The following ATP8A2 variants were observed in gnomAD, a reference collection of about 807,000 sequenced individuals.
ATP8A2 encodes phospholipid-transporting ATPase IB.
ATP8A2 carries 100 observed loss-of-function variants against 165.6 expected under a neutral mutation model. That is an observed-to-expected ratio of 0.60 (90% CI 0.51 to 0.71). The LOEUF (loss-of-function observed/expected upper bound fraction) is 0.71. Ranked by LOEUF, ATP8A2 falls within the 30% of genes least tolerant of loss-of-function variation. The pLI is 0.00. For synonymous variants in ATP8A2, 543 were observed against 548.8 expected (o/e 0.99, Z 0.15); for missense variants, 1,227 against 1,479.5 (o/e 0.83, Z 2.80).
At chr13:25,755,217 A>T (rs2138215395) in intron 25 of ATP8A2, among the ~76,000 whole-genome samples, 1 of 152,334 alleles carries the variant, frequency 6.6e-6, no homozygotes, top group Non-Finnish European at 1.5e-5. Flanking sequence ...CAATCAAGAC[A>T]AATGATGGTA....
intron 27 of ATP8A2, among the ~76,000 whole-genome samples, chr13:25,779,182 A>T (rs2138343832): frequency 6.6e-6 from 1 of 152,336 alleles, no homozygotes; most frequent in African/African-American, 2.4e-5. Flanking sequence ...GAGAGAGACA[A>T]AAATGTATAA....
At chr13:25,374,322 A>G (rs1381915959) in intron 1 of ATP8A2, among the ~76,000 whole-genome samples, 1 of 152,236 alleles carries the variant, frequency 6.6e-6, no homozygotes, top group Non-Finnish European at 1.5e-5. Context: ...CTGTTAACAT[A>G]TCATTGTGGG....
chr13:25,786,158 A>C (rs1363897055), intron 27 of ATP8A2, among the ~76,000 whole-genome samples: 1 of 152,204 alleles, frequency 6.6e-6, no homozygotes, highest in Non-Finnish European at 1.5e-5. Context: ...GTATCACATC[A>C]GGAAACTCAT....
At chr13:25,548,765 A>T (rs746690000) in intron 10 of ATP8A2, among the ~76,000 whole-genome samples, 7 of 152,240 alleles carry the variant, frequency 4.6e-5, no homozygotes, top group Non-Finnish European at 1.0e-4. Flanking sequence ...GAAATAAAGG[A>T]AAAAGCTGCT....
chr13:25,578,115 T>A (rs941486889), intron 20 of ATP8A2, among the ~76,000 whole-genome samples: 1 of 152,094 alleles, frequency 6.6e-6, no homozygotes, highest in African/African-American at 2.4e-5. Flanking sequence ...CAGTGTGAGG[T>A]GGTAGAGAGA....
intron 25 of ATP8A2, among the ~76,000 whole-genome samples, chr13:25,706,318 G>A (rs2043054445): frequency 6.6e-6 from 1 of 152,068 alleles, no homozygotes; most frequent in Non-Finnish European, 1.5e-5. Context: ...CATTCCCAAC[G>A]TCAGGTCAGT....
At chr13:25,800,990 C>T (rs1950611377) in intron 27 of ATP8A2, among the ~76,000 whole-genome samples, 1 of 152,158 alleles carries the variant, frequency 6.6e-6, no homozygotes, top group South Asian at 2.1e-4. Flanking sequence ...AAGGATGCTT[C>T]CAGGCAGCCG....
chr13:25,488,099 G>A (rs569118658), intron 2 of ATP8A2, among the ~76,000 whole-genome samples: 3 of 152,276 alleles, frequency 2.0e-5, no homozygotes, highest in African/African-American at 4.8e-5. Flanking sequence ...CGTGGATATC[G>A]TATATCCCTT....
chr13:25,975,228 T>C (rs1409583249), intron 35 of ATP8A2, among the ~76,000 whole-genome samples: 1 of 152,120 alleles, frequency 6.6e-6, no homozygotes, highest in African/African-American at 2.4e-5. Flanking sequence ...GTCACCAACT[T>C]CCCTGCTGTG....
At chr13:25,598,632 T>C (rs561880511) in intron 24 of ATP8A2, among the ~76,000 whole-genome samples, 17 of 152,314 alleles carry the variant, frequency 1.1e-4, no homozygotes, top group African/African-American at 4.1e-4. Flanking sequence ...ATTGTATTTA[T>C]GCATTCCTTT....
chr13:25,843,470 A>G (rs1205995998), intron 30 of ATP8A2, among the ~76,000 whole-genome samples: 1 of 152,104 alleles, frequency 6.6e-6, no homozygotes, highest in African/African-American at 2.4e-5. Flanking sequence ...TTAGGTCGTG[A>G]GGGCGGATCT....
chr13:25,997,401 T>TA (rs1956534103), intron 35 of ATP8A2, among the ~76,000 whole-genome samples: 1 of 152,220 alleles, frequency 6.6e-6, no homozygotes, highest in Non-Finnish European at 1.5e-5. Flanking sequence ...GCAGTGTAAT[T>TA]AAAATCTGTC....
Position 25,575,119 on chromosome 13 carries a change from G to A in ATP8A2, c.1712+262G>A, listed in dbSNP as rs534952970. Among the ~76,000 whole-genome samples the A allele has an allele frequency of 2.0e-5, 3 of 152,272 alleles. 1 individual carries two copies. The East Asian group carries it at 5.8e-4, about 29-fold the overall frequency. ...TTTCTTTAGATTTCCAGAGCCTGAT[G>A]TTCTTGCATCAGCAGCTGCAGACAT... On this transcript the variant is annotated intron_variant, in intron 19 of 36. Transcript: ENST00000381655.
At chr13:25,541,699 CA>C (rs1253564290) in intron 8 of ATP8A2, among the ~76,000 whole-genome samples, 3 of 152,168 alleles carry the variant, frequency 2.0e-5, no homozygotes, top group African/African-American at 4.8e-5. Context: ...TCTTAACTTT[CA>C]GCTTCATTAC....
At chr13:25,672,313 A>G (rs1261175479) in intron 24 of ATP8A2, among the ~76,000 whole-genome samples, 2 of 152,194 alleles carry the variant, frequency 1.3e-5, no homozygotes, top group Admixed American at 6.5e-5. Context: ...GTAAGGCACC[A>G]TAGAGAAAGT....
chr13:25,607,175 G>C (rs996820728), intron 24 of ATP8A2, among the ~76,000 whole-genome samples: 1 of 152,142 alleles, frequency 6.6e-6, no homozygotes, highest in African/African-American at 2.4e-5. Context: ...GTTTCATCTT[G>C]AAACCATCCC....
intron 32 of ATP8A2, among the ~76,000 whole-genome samples, chr13:25,861,969 G>T (rs1431219124): frequency 2.0e-5 from 3 of 152,192 alleles, no homozygotes; most frequent in African/African-American, 7.2e-5. Context: ...ATGAGTCCTT[G>T]TTGTATACAG....
intron 24 of ATP8A2, among the ~76,000 whole-genome samples, chr13:25,657,988 A>G (rs866463025): frequency 1.3e-5 from 2 of 152,192 alleles, no homozygotes; most frequent in African/African-American, 4.8e-5. Flanking sequence ...AATTGACAGT[A>G]TCATCTTCTA....
At chr13:25,842,028 A>G (rs1263334685) in intron 30 of ATP8A2, among the ~76,000 whole-genome samples, 2 of 152,170 alleles carry the variant, frequency 1.3e-5, no homozygotes, top group Non-Finnish European at 2.9e-5. Flanking sequence ...GCACCACTGC[A>G]TTGGAGATCA....
Sources: allele counts gnomAD v4.1 joint callset (sites outside exome capture counted in the v4.1 genomes callset), GRCh38; gene constraint gnomAD v4.1.1; transcripts MANE v1.5; gene names NCBI Gene and HGNC (gene_info 2026-07-23, HGNC 2026-07-21).